Variants in KCNIP4 observed in about 807,000 individuals in gnomAD.
KCNIP4 encodes potassium voltage-gated channel interacting protein 4.
In KCNIP4, 12 loss-of-function variants were observed where a neutral mutation model predicts 34.0. The observed-to-expected ratio is 0.35, with a 90% CI of 0.23 to 0.57. The LOEUF (loss-of-function observed/expected upper bound fraction) is 0.57, where lower values mean the gene tolerates loss of function less well. Ranked by LOEUF, KCNIP4 falls within the 20% of genes least tolerant of loss-of-function variation. KCNIP4 has a pLI of 0.83. For missense variants in KCNIP4, 238 were observed against 311.7 expected (o/e 0.76, Z 1.78); for synonymous variants, 124 against 102.2 (o/e 1.21, Z -1.29).
At chr4:21,233,527 C>T (rs1218863867) in intron 1 of KCNIP4, among the ~76,000 whole-genome samples, 5 of 151,858 alleles carry the variant, frequency 3.3e-5, no homozygotes, top group African/African-American at 1.2e-4. Context: ...GAGAGAGAGG[C>T]TGAGGCTCAA....
intron 1 of KCNIP4, among the ~76,000 whole-genome samples, chr4:21,151,841 G>T (rs1291560177): frequency 1.3e-5 from 2 of 152,078 alleles, no homozygotes; most frequent in Non-Finnish European, 2.9e-5. Context: ...CTTGCACAGG[G>T]ACAACATTGT....
chr4:21,254,001 G>A (rs1760893690), intron 1 of KCNIP4, among the ~76,000 whole-genome samples: 2 of 152,208 alleles, frequency 1.3e-5, no homozygotes, highest in Admixed American at 1.3e-4. Flanking sequence ...ATAGGTAAGT[G>A]TGTAGACACA....
At chr4:21,474,725 G>A (rs542804220) in intron 1 of KCNIP4, among the ~76,000 whole-genome samples, 65 of 151,966 alleles carry the variant, frequency 4.3e-4, no homozygotes, top group African/African-American at 1.5e-3. Context: ...GGCCAGGCGC[G>A]GTGGCTCACG....
Position 21,226,344 on chromosome 4 carries a change from G to C in KCNIP4, c.62-343635C>G, listed in dbSNP as rs1347296481. Reference sequence around the variant, plus strand: ...AAGGGAAGGGAAGGAAGGGAAGGAAGAGAAGGAAGAGAAGGAAGGAAGGAA... The same window carrying C: ...AAGGGAAGGGAAGGAAGGGAAGGAACAGAAGGAAGAGAAGGAAGGAAGGAA... On this transcript the variant is annotated intron_variant, in intron 1 of 8. Transcript: ENST00000382152. Among the ~76,000 whole-genome samples, 4 of 108,742 alleles carry C rather than the reference G, an allele frequency of 3.7e-5. No homozygotes were observed. The East Asian group carries it at 9.3e-4, about 25-fold the overall frequency. The allele number at this position is 108,742 out of a possible 152,430, so 71.3% of individuals were successfully genotyped here.
At chr4:21,516,238 G>A (rs1262398294) in intron 1 of KCNIP4, among the ~76,000 whole-genome samples, 3 of 152,066 alleles carry the variant, frequency 2.0e-5, no homozygotes, top group East Asian at 3.9e-4. Context: ...GTTGTCCCAC[G>A]AATAATACTT....
intron 1 of KCNIP4, among the ~76,000 whole-genome samples, chr4:21,197,287 C>T (rs903762188): frequency 6.6e-6 from 1 of 152,108 alleles, no homozygotes; most frequent in East Asian, 1.9e-4. Context: ...AGTGGAATTG[C>T]TAGCTCAGAG....
chr4:21,463,692 T>C (rs1326322982), intron 1 of KCNIP4, among the ~76,000 whole-genome samples: 2 of 152,052 alleles, frequency 1.3e-5, no homozygotes, highest in Admixed American at 6.6e-5. Flanking sequence ...TGTTTTTACC[T>C]GGTTTTGGCA....
At chr4:21,927,026 T>C (rs1016416414) in intron 1 of KCNIP4, among the ~76,000 whole-genome samples, 2 of 152,190 alleles carry the variant, frequency 1.3e-5, no homozygotes, top group Non-Finnish European at 2.9e-5. Context: ...GGTTCCTTTC[T>C]GGAGGCTCTA....
At chr4:21,244,385 A>G (rs998738730) in intron 1 of KCNIP4, among the ~76,000 whole-genome samples, 2 of 152,220 alleles carry the variant, frequency 1.3e-5, no homozygotes, top group African/African-American at 2.4e-5. Context: ...ATTATAAGTC[A>G]TTCAGCAATC....
At chr4:21,204,706 A>G (rs961027532) in intron 1 of KCNIP4, among the ~76,000 whole-genome samples, 2 of 152,246 alleles carry the variant, frequency 1.3e-5, no homozygotes, top group Non-Finnish European at 2.9e-5. Flanking sequence ...ATACATAAGC[A>G]GAAGGAAACA....
At chr4:21,860,884 T>C (rs1343776594) in intron 1 of KCNIP4, among the ~76,000 whole-genome samples, 1 of 152,170 alleles carries the variant, frequency 6.6e-6, no homozygotes, top group Non-Finnish European at 1.5e-5. Context: ...ATTAATTTCT[T>C]CCCTTATAGA....
At chr4:20,970,307 C>T (rs962233893) in intron 1 of KCNIP4, among the ~76,000 whole-genome samples, 1 of 152,114 alleles carries the variant, frequency 6.6e-6, no homozygotes, top group Non-Finnish European at 1.5e-5. Flanking sequence ...TCTATTTATA[C>T]ATTTTCCTCA....
At chr4:21,057,888 C>T (rs1743562643) in intron 1 of KCNIP4, among the ~76,000 whole-genome samples, 1 of 152,110 alleles carries the variant, frequency 6.6e-6, no homozygotes, top group African/African-American at 2.4e-5. Context: ...ATCTTTATCT[C>T]ATTCAACAGC....
At chr4:20,837,106 T>C (rs1719140108) in intron 3 of KCNIP4, among the ~76,000 whole-genome samples, 1 of 152,170 alleles carries the variant, frequency 6.6e-6, no homozygotes, top group African/African-American at 2.4e-5. Flanking sequence ...CACAGGGAAC[T>C]TGAGATGAAA....
At chr4:21,866,175 T>C (rs1445835380) in intron 1 of KCNIP4, among the ~76,000 whole-genome samples, 7 of 152,140 alleles carry the variant, frequency 4.6e-5, no homozygotes, top group African/African-American at 7.2e-5. Flanking sequence ...TATAAAAACA[T>C]ACAGATAATC....
At chr4:21,633,047 A>C (rs1346490917) in intron 1 of KCNIP4, among the ~76,000 whole-genome samples, 2 of 152,226 alleles carry the variant, frequency 1.3e-5, no homozygotes, top group African/African-American at 4.8e-5. Context: ...CGTTTTAAAA[A>C]ATCTTTTTCA....
intron 2 of KCNIP4, among the ~76,000 whole-genome samples, chr4:20,870,085 G>C (rs930621384): frequency 4.6e-5 from 7 of 151,888 alleles, no homozygotes; most frequent in Non-Finnish European, 8.8e-5. Flanking sequence ...ATTTTCGATG[G>C]GTACATTGAG....
In KCNIP4 at chr4:21,519,341, GAT is replaced by G. The variant is rs1491340602; in HGVS notation, c.61+429228_61+429229del. 2.1e-3 allele frequency among the ~76,000 whole-genome samples: 242 copies of G among 113,470 alleles called. 2 individuals are homozygous for G. The East Asian group carries it at 0.058, about 27-fold the overall frequency. 74.4% of individuals were successfully genotyped at this position (113,470 alleles called of 152,430 possible). A position where few individuals can be genotyped will look rare whatever the true frequency, so the allele number is the denominator to read the frequency against. On this transcript the variant is annotated intron_variant, in intron 1 of 8. Transcript: ENST00000382152. ...GGACAGAAATAATAGGAGAGAGAGA[GAT>G]ACACACACACACACACACACACACA... is the stretch of plus-strand genomic sequence containing the variant.
At chr4:21,556,933 A>AAAAAAAAAAAAAAAAAACAAC (rs1560514287) in intron 1 of KCNIP4, among the ~76,000 whole-genome samples, 1 of 149,760 alleles carries the variant, frequency 6.7e-6, no homozygotes, top group Non-Finnish European at 1.5e-5. Context: ...AAAAAAAAAA[A>AAAAAAAAAAAAAAAAAACAAC]AAAAAAAAAA....
Sources: allele counts gnomAD v4.1 joint callset (sites outside exome capture counted in the v4.1 genomes callset), GRCh38; gene constraint gnomAD v4.1.1; transcripts MANE v1.5; gene names NCBI Gene and HGNC (gene_info 2026-07-23, HGNC 2026-07-21).